Variants in RBFOX1 observed in about 807,000 individuals in gnomAD.
RBFOX1 encodes RNA binding fox-1 homolog 1.
A neutral mutation model predicts 57.7 loss-of-function variants in RBFOX1; 8 were observed. The ratio of observed to expected loss-of-function variants is 0.14; its 90% confidence interval spans 0.08 to 0.25. The LOEUF (loss-of-function observed/expected upper bound fraction) is 0.25. RBFOX1 is among the 10% of genes least tolerant of loss of function. The probability of loss-of-function intolerance (pLI) is 1.00; values close to 1 mark genes in which losing one functional copy is unlikely to be tolerated. For missense variants in RBFOX1, 611 were observed against 548.5 expected, an observed-to-expected ratio of 1.11 and a Z score of -1.14; for synonymous variants, 326 against 222.4, an observed-to-expected ratio of 1.47 and a Z score of -4.15.
Position 5,984,966 on chromosome 16 carries a change from ATATATATATATTTT to A in RBFOX1, c.351+117633_351+117646del, listed in dbSNP as rs1466667552. ...CTCCATTATATATATATATATATATATATATATATATTTTTTTTTTTTTTTTTTTTCTTTGAGAC... is the reference window on the plus strand; with the variant it reads ...CTCCATTATATATATATATATATATATTTTTTTTTTTTTTTTCTTTGAGAC... On this transcript the variant is annotated intron_variant, in intron 4 of 19. Transcript: ENST00000641259. Among the ~76,000 whole-genome samples, 9 of 56,652 alleles carry A rather than the reference ATATATATATATTTT, an allele frequency of 1.6e-4. No individual in the cohort carries two copies. The East Asian group carries it at 4.8e-3, about 30-fold the overall frequency. 37.2% of individuals were successfully genotyped at this position (56,652 alleles called of 152,430 possible). A position where few individuals can be genotyped will look rare whatever the true frequency, so the allele number is the denominator to read the frequency against.
At chr16:7,556,916 A>G (rs1266070847) in intron 5 of RBFOX1, among the ~76,000 whole-genome samples, 3 of 152,228 alleles carry the variant, frequency 2.0e-5, no homozygotes, top group Admixed American at 6.5e-5. Flanking sequence ...TTTAATATCT[A>G]TCAACCATTT....
chr16:5,906,177 G>A (rs992903278), intron 4 of RBFOX1, among the ~76,000 whole-genome samples: 1 of 152,152 alleles, frequency 6.6e-6, no homozygotes, highest in African/African-American at 2.4e-5. Context: ...GAAGTCCTAG[G>A]CCTCAGTGCC....
At chr16:5,809,484 A>C (rs2055345313) in intron 3 of RBFOX1, among the ~76,000 whole-genome samples, 1 of 152,198 alleles carries the variant, frequency 6.6e-6, no homozygotes, top group Non-Finnish European at 1.5e-5. Context: ...CAAGAAAAAA[A>C]CAAACAACCC....
chr16:7,694,692 A>G (rs1281678473), intron 14 of RBFOX1, among the ~76,000 whole-genome samples: 3 of 152,268 alleles, frequency 2.0e-5, no homozygotes, highest in East Asian at 1.9e-4. Flanking sequence ...GCTAGGTGCA[A>G]TGGTTAATTG....
At chr16:7,253,807 C>A (rs139160954) in intron 4 of RBFOX1, among the ~76,000 whole-genome samples, 1,601 of 152,258 alleles carry the variant, frequency 0.011, 36 homozygotes, top group African/African-American at 0.037. Context: ...GGAATCTTTT[C>A]CTTGTGTCTC....
At chr16:5,276,746 G>T (rs369356701) in intron 1 of RBFOX1, among the ~76,000 whole-genome samples, 14 of 152,176 alleles carry the variant, frequency 9.2e-5, no homozygotes, top group African/African-American at 3.4e-4. Context: ...ACTCCAGCCT[G>T]TGTGACAGAG....
At chr16:6,834,779 C>T (rs2092963994) in intron 3 of RBFOX1, among the ~76,000 whole-genome samples, 1 of 152,096 alleles carries the variant, frequency 6.6e-6, no homozygotes, top group African/African-American at 2.4e-5. Flanking sequence ...GTAACTGTGG[C>T]TCTCAGAGTC....
intron 1 of RBFOX1, among the ~76,000 whole-genome samples, chr16:6,033,730 G>C (rs974678280): frequency 6.6e-6 from 1 of 152,092 alleles, no homozygotes; most frequent in Non-Finnish European, 1.5e-5. Flanking sequence ...TTTTTGAAGC[G>C]CTACATGGAA....
At chr16:6,242,370 C>CT (rs574548823) in intron 1 of RBFOX1, among the ~76,000 whole-genome samples, 76 of 151,678 alleles carry the variant, frequency 5.0e-4, no homozygotes, top group Non-Finnish European at 1.0e-3. Context: ...TCAAGGTTTT[C>CT]TTTTTTTTAA....
At chr16:7,698,751 A>G (rs1200410859) in intron 14 of RBFOX1, among the ~76,000 whole-genome samples, 3 of 152,148 alleles carry the variant, frequency 2.0e-5, no homozygotes, top group Admixed American at 2.0e-4. Context: ...TATAATAGGG[A>G]AAGTACAGGG....
At chr16:5,295,471 T>C (rs2063643691) in intron 1 of RBFOX1, among the ~76,000 whole-genome samples, 1 of 152,156 alleles carries the variant, frequency 6.6e-6, no homozygotes, top group South Asian at 2.1e-4. Flanking sequence ...GCTGCAGCCG[T>C]AGTGTCAGCC....
intron 4 of RBFOX1, among the ~76,000 whole-genome samples, chr16:7,084,049 C>T (rs1172107365): frequency 6.6e-6 from 1 of 152,104 alleles, no homozygotes; most frequent in African/African-American, 2.4e-5. Context: ...AGGTCATTTA[C>T]CCTAATCCCA....
At chr16:6,124,314 T>C (rs1018936941) in intron 1 of RBFOX1, among the ~76,000 whole-genome samples, 1 of 152,164 alleles carries the variant, frequency 6.6e-6, no homozygotes. Context: ...CTTGCAGTTA[T>C]AGCCCCAGCG....
At chr16:7,370,053 A>G (rs1224929750) in intron 4 of RBFOX1, among the ~76,000 whole-genome samples, 1 of 152,136 alleles carries the variant, frequency 6.6e-6, no homozygotes, top group African/African-American at 2.4e-5. Context: ...GACTATTGAC[A>G]TTTTCAAGCT....
chr16:5,887,821 T>A (rs1323589133), intron 4 of RBFOX1, among the ~76,000 whole-genome samples: 1 of 152,146 alleles, frequency 6.6e-6, no homozygotes, highest in East Asian at 1.9e-4. Flanking sequence ...CAGTCTTAGT[T>A]CTTTGTGCTC....
chr16:6,419,006 C>A (rs1292454538), intron 2 of RBFOX1, among the ~76,000 whole-genome samples: 1 of 152,176 alleles, frequency 6.6e-6, no homozygotes, highest in Admixed American at 6.5e-5. Flanking sequence ...AGAACAGAGA[C>A]CATTTGCAGA....
At chr16:6,551,852 C>G (rs1388423033) in intron 2 of RBFOX1, among the ~76,000 whole-genome samples, 2 of 152,210 alleles carry the variant, frequency 1.3e-5, no homozygotes, top group Admixed American at 6.5e-5. Context: ...GTTCTTCTCT[C>G]TCAGTGCGTT....
At chr16:5,885,047 C>G (rs1361178975) in intron 4 of RBFOX1, among the ~76,000 whole-genome samples, 2 of 152,138 alleles carry the variant, frequency 1.3e-5, no homozygotes, top group South Asian at 2.1e-4. Flanking sequence ...AATGCATGGT[C>G]TCTGAGGCCA....
chr16:6,795,999 G>C (rs2083927277), intron 3 of RBFOX1, among the ~76,000 whole-genome samples: 1 of 152,046 alleles, frequency 6.6e-6, no homozygotes, highest in South Asian at 2.1e-4. Flanking sequence ...AAAATATCAT[G>C]GTTACTGTAT....
Sources: gnomAD v4.1 joint callset for allele counts (sites outside exome capture counted in the v4.1 genomes callset) on GRCh38, gnomAD v4.1.1 for gene constraint, MANE v1.5 for transcripts, NCBI Gene and HGNC (gene_info 2026-07-23, HGNC 2026-07-21) for gene names.